The following ASB15 variants were observed in gnomAD, a reference collection of about 807,000 sequenced individuals.
The protein encoded by ASB15 is ankyrin repeat and SOCS box protein 15.
ASB15 carries 54 observed loss-of-function variants against 58.0 expected under a neutral mutation model. The ratio of observed to expected loss-of-function variants is 0.93; its 90% CI spans 0.75 to 1.17. The LOEUF is 1.17. Among genes scored for constraint, ASB15 ranks in the 50% most tolerant of loss-of-function variants. ASB15 has a pLI of 0.00. For missense variants in ASB15, 680 were observed against 707.4 expected, an observed-to-expected ratio of 0.96 and a Z score of 0.44; for synonymous variants, 249 against 262.4, an observed-to-expected ratio of 0.95 and a Z score of 0.50.
In ASB15 at chr7:123,604,095, T is replaced by A. The variant is rs1800018048; in HGVS notation, c.-181T>A. On this transcript the variant is annotated 5_prime_UTR_variant, in exon 2 of 12. Coordinates refer to ENST00000451215, the MANE Select transcript of ASB15 (RefSeq NM_001290258.2). ...ATAGGAAGAGCAGTTGTCCAGCCTCTGGAAGAAAAAGCTCAGTGGAGATCT... is the reference window on the plus strand; with the variant it reads ...ATAGGAAGAGCAGTTGTCCAGCCTCAGGAAGAAAAAGCTCAGTGGAGATCT... 2 of 152,342 alleles carry A rather than the reference T, an allele frequency of 1.3e-5. No homozygotes were observed. The highest frequency in any genetic ancestry group is 4.1e-4 in the South Asian group (2 of 4,828). 9.4% of individuals were successfully genotyped at this position (152,342 alleles called of 1,614,324 possible). A position where few individuals can be genotyped will look rare whatever the true frequency, so the allele number is the denominator to read the frequency against.
chr7:123,572,131 CTTTTTTTTTTTTTT>C (rs61198371), intron 1 of ASB15, among the ~76,000 whole-genome samples: 2 of 47,978 alleles, frequency 4.2e-5, no homozygotes, highest in South Asian at 1.1e-3. Context: ...TGTAGAATTT[CTTTTTTTTTTTTTT>C]TTTTTTTTTT....
Position 123,636,961 on chromosome 7 carries a change from C to T in ASB15, c.1747C>T (p.Gln583Ter). Residue 583 changes from glutamine (Q) to a stop codon, truncating the protein, a stop_gained, in exon 12 of 12, where the codon CAA (glutamine) becomes TAA (stop). Coordinates refer to ENST00000451215, the MANE Select transcript of ASB15 (RefSeq NM_001290258.2). LOFTEE classifies it high-confidence loss of function. ...ILFKEYDLYG[Q>*]ELKLT Reference sequence around the variant, plus strand: ...ATTTAAAGAGTATGATCTCTATGGACAAGAGCTAAAATTGACATAACTTAA... The same window carrying T: ...ATTTAAAGAGTATGATCTCTATGGATAAGAGCTAAAATTGACATAACTTAA... 1 of 1,546,704 alleles carries T rather than the reference C, an allele frequency of 6.5e-7. No homozygotes were observed. Among genetic ancestry groups the T allele is most frequent in the Non-Finnish European group, 8.8e-7 (1 of 1,131,316 alleles).
At chr7:123,615,417 G>T (rs4727973) in intron 4 of ASB15, 1 of 152,016 alleles carries the variant, frequency 6.6e-6, no homozygotes, top group Non-Finnish European at 1.5e-5. Context: ...AAAAATAGAC[G>T]TAGTACACTG....
At chr7:123,628,193 A>G in intron 9 of ASB15, among the ~76,000 whole-genome samples, 1 of 151,988 alleles carries the variant, frequency 6.6e-6, no homozygotes, top group Admixed American at 6.6e-5. Context: ...AATACTAAAG[A>G]CTCTTCTTTT....
intron 7 of ASB15, chr7:123,619,916 C>A (rs1801128368): frequency 6.6e-6 from 1 of 152,188 alleles, no homozygotes; most frequent in Non-Finnish European, 1.5e-5. Flanking sequence ...AGTTAGAATA[C>A]AGACAAAGCT....
At chr7:123,620,552 ATAT>A (rs1801239208) in intron 7 of ASB15, among the ~76,000 whole-genome samples, 2 of 15,386 alleles carry the variant, frequency 1.3e-4, no homozygotes, top group Non-Finnish European at 1.1e-4. Flanking sequence ...ATATATATAT[ATAT>A]TTTTTTTTTT....
upstream of ASB15, among the ~76,000 whole-genome samples, chr7:123,598,051 G>A (rs1799755527): frequency 6.6e-6 from 1 of 151,018 alleles, no homozygotes; most frequent in East Asian, 2.0e-4. Context: ...TTTGGGACTA[G>A]AACCACATGT....
chr7:123,631,596 C>A (rs545892218), intron 11 of ASB15, among the ~76,000 whole-genome samples: 3 of 152,116 alleles, frequency 2.0e-5, no homozygotes, highest in African/African-American at 7.2e-5. Flanking sequence ...AAAAATCGAG[C>A]AGGACAGAAA....
intron 1 of ASB15, among the ~76,000 whole-genome samples, chr7:123,584,011 G>A (rs921611265): frequency 1.3e-5 from 2 of 151,802 alleles, no homozygotes; most frequent in Non-Finnish European, 2.9e-5. Flanking sequence ...GGTTAGCCCC[G>A]GAGTTCATCC....
chr7:123,627,593 A>C (rs1293718251), intron 9 of ASB15, among the ~76,000 whole-genome samples: 1 of 152,214 alleles, frequency 6.6e-6, no homozygotes, highest in Admixed American at 6.5e-5. Flanking sequence ...AAATGTATTT[A>C]ACAAAAGGCT....
chr7:123,624,959 C>T (rs1801677581), intron 8 of ASB15, 145 bp downstream of exon 8: 3 of 989,878 alleles, frequency 3.0e-6, no homozygotes, highest in Admixed American at 2.6e-5. Flanking sequence ...GGTTTTCCCA[C>T]CTGGTCCCTC....
intron 7 of ASB15, among the ~76,000 whole-genome samples, chr7:123,623,555 T>C (rs1446796243): frequency 6.6e-6 from 1 of 151,964 alleles, no homozygotes; most frequent in Non-Finnish European, 1.5e-5. Flanking sequence ...ATCTAATTGA[T>C]AATCACCCAT....
intron 6 of ASB15, among the ~76,000 whole-genome samples, chr7:123,616,719 G>A (rs74574893): frequency 0.017 from 2,573 of 152,172 alleles, 74 homozygotes; most frequent in African/African-American, 0.059. Context: ...CTATGAATGA[G>A]ACACAGGTTG....
chr7:123,589,735 G>T (rs915665898), intron 1 of ASB15, among the ~76,000 whole-genome samples: 1 of 152,022 alleles, frequency 6.6e-6, no homozygotes, highest in Non-Finnish European at 1.5e-5. Flanking sequence ...GGACATTTGG[G>T]TTGATTCCAA....
intron 1 of ASB15, among the ~76,000 whole-genome samples, chr7:123,569,241 A>T (rs1338827402): frequency 6.6e-6 from 1 of 152,164 alleles, no homozygotes; most frequent in African/African-American, 2.4e-5. Context: ...CAACATCTTA[A>T]CATTGAGGGA....
At chr7:123,628,835 C>A in intron 9 of ASB15, 29 bp from the exon 10 acceptor site, 3 of 1,382,202 alleles carry the variant, frequency 2.2e-6, no homozygotes, top group Non-Finnish European at 2.9e-6. Flanking sequence ...TTCTTTATGG[C>A]AAGTAGATAT....
intron 1 of ASB15, among the ~76,000 whole-genome samples, chr7:123,582,150 C>T (rs1799250910): frequency 6.6e-6 from 1 of 151,974 alleles, no homozygotes; most frequent in Non-Finnish European, 1.5e-5. Flanking sequence ...TAAAATGCTC[C>T]TGTGGCTTCT....
At chr7:123,577,063 A>G (rs1184248289) in intron 1 of ASB15, among the ~76,000 whole-genome samples, 1 of 152,162 alleles carries the variant, frequency 6.6e-6, no homozygotes, top group African/African-American at 2.4e-5. Flanking sequence ...GTAAGACAAC[A>G]TTTGTAGTTA....
At chr7:123,630,243 T>A in intron 11 of ASB15, 124 bp downstream of exon 11, 1 of 674,102 alleles carries the variant, frequency 1.5e-6, no homozygotes, top group Non-Finnish European at 2.3e-6. Flanking sequence ...ATCTGGGTTT[T>A]AAAATCATCC....
Sources: allele counts gnomAD v4.1 joint callset (sites outside exome capture counted in the v4.1 genomes callset), GRCh38; gene constraint gnomAD v4.1.1; transcripts MANE v1.5; gene names NCBI Gene and HGNC (gene_info 2026-07-23, HGNC 2026-07-21).